TAFA5: variants seen among roughly 807,000 people sequenced by gnomAD.
TAFA5 encodes the protein chemokine-like protein TAFA-5.
In TAFA5, 6 loss-of-function variants were observed where a neutral mutation model predicts 15.3. That is an observed-to-expected ratio of 0.39 (90% CI 0.21 to 0.77). The LOEUF is 0.77. TAFA5 is among the 30% of genes least tolerant of loss of function. The pLI, the probability that TAFA5 is intolerant of heterozygous loss-of-function variation, is 0.41. For synonymous variants in TAFA5, 103 were observed against 80.7 expected (o/e 1.28, Z -1.48); for missense variants, 161 against 193.1 (o/e 0.83, Z 0.98).
At chr22:48,582,645 T>C (rs111166609) in intron 1 of TAFA5, among the ~76,000 whole-genome samples, 90 of 77,006 alleles carry the variant, frequency 1.2e-3, no homozygotes, top group Middle Eastern at 0.011. Flanking sequence ...ACACAAAATA[T>C]ACCACACACA....
chr22:48,694,057 G>A (rs1928625701), intron 2 of TAFA5, among the ~76,000 whole-genome samples: 1 of 152,216 alleles, frequency 6.6e-6, no homozygotes, highest in Non-Finnish European at 1.5e-5. Context: ...GCCACGCGGA[G>A]GCTGACTGCA....
chr22:48,735,049 T>C (rs1164769674), intron 3 of TAFA5, among the ~76,000 whole-genome samples: 1 of 152,254 alleles, frequency 6.6e-6, no homozygotes, highest in Non-Finnish European at 1.5e-5. Flanking sequence ...CGCCTGACCC[T>C]GTGCACCTAG....
At chr22:48,631,955 A>G (rs1926245506) in intron 1 of TAFA5, among the ~76,000 whole-genome samples, 1 of 152,184 alleles carries the variant, frequency 6.6e-6, no homozygotes, top group Non-Finnish European at 1.5e-5. Context: ...CCTCCCAGGC[A>G]GTACGGGTGG....
chr22:48,655,484 G>A (rs930611637), intron 2 of TAFA5, among the ~76,000 whole-genome samples: 5 of 152,166 alleles, frequency 3.3e-5, no homozygotes, highest in Admixed American at 2.6e-4. Flanking sequence ...GAGGCAGAAC[G>A]CTCCATCCTC....
chr22:48,642,005 G>A (rs1234468492), intron 1 of TAFA5, among the ~76,000 whole-genome samples: 5 of 152,138 alleles, frequency 3.3e-5, no homozygotes, highest in Admixed American at 1.3e-4. Context: ...GCACGCTGAG[G>A]GGGGCAGCCT....
At chr22:48,599,866 G>C (rs1316291969) in intron 1 of TAFA5, among the ~76,000 whole-genome samples, 1 of 152,224 alleles carries the variant, frequency 6.6e-6, no homozygotes, top group Non-Finnish European at 1.5e-5. Context: ...GGCCACAGAT[G>C]CCTCCAGGCT....
rs984639662 is a variant in TAFA5, at chr22:48,646,819, C to T, written c.262+73C>T. The stretch of plus-strand genomic sequence containing the variant: ...CACCAAAGGTGCCTCTTCCCTGACG[C>T]GGCCCCTTACCTGAAGGTCCCCCTA... On this transcript the variant is annotated intron_variant, in intron 2 of 3. Transcript: ENST00000402357. 1.3e-5 allele frequency: 20 copies of T among 1,487,054 alleles called. No individual in the cohort carries two copies. The Admixed American group carries it at 3.5e-4, about 26-fold the overall frequency. The allele number at this position is 1,487,054 out of a possible 1,614,324, so 92.1% of individuals were successfully genotyped here.
rs1926036953 is a variant in TAFA5 at position 48,626,724 on chromosome 22, G to T, written c.113-19873G>T. Among the ~76,000 whole-genome samples, 4 of 152,172 alleles carry T rather than the reference G, an allele frequency of 2.6e-5. No homozygotes were observed. The South Asian group carries it at 8.3e-4, about 31-fold the overall frequency. ...ATTTATCAAATGGTTTTCTTTCATA[G>T]AGTATGCATTTGATGCTTATCTAAA... On this transcript the variant is annotated intron_variant, in intron 1 of 3. Transcript: ENST00000402357.
At chr22:48,683,948 A>G (rs548149721) in intron 2 of TAFA5, among the ~76,000 whole-genome samples, 12 of 152,230 alleles carry the variant, frequency 7.9e-5, no homozygotes, top group Admixed American at 3.3e-4. Context: ...GCCTTCTGCC[A>G]TGATTGTAAG....
chr22:48,604,059 G>C (rs900584987), intron 1 of TAFA5, among the ~76,000 whole-genome samples: 2 of 152,214 alleles, frequency 1.3e-5, no homozygotes, highest in Non-Finnish European at 2.9e-5. Flanking sequence ...GACTGTGTGT[G>C]TCTCATTCAC....
chr22:48,691,868 T>TTGGC (rs1213509677), intron 2 of TAFA5, among the ~76,000 whole-genome samples: 1 of 152,156 alleles, frequency 6.6e-6, no homozygotes, highest in African/African-American at 2.4e-5. Context: ...GGTGTGCTTG[T>TTGGC]TGGCTCCCAA....
At chr22:48,730,070 C>T (rs192230734) in intron 3 of TAFA5, among the ~76,000 whole-genome samples, 3 of 152,232 alleles carry the variant, frequency 2.0e-5, no homozygotes, top group Admixed American at 6.5e-5. Flanking sequence ...TAACAGCACA[C>T]TGAATTCTGA....
chr22:48,565,769 T>G (rs1477071583), intron 1 of TAFA5, among the ~76,000 whole-genome samples: 1 of 152,244 alleles, frequency 6.6e-6, no homozygotes, highest in Non-Finnish European at 1.5e-5. Context: ...AGAATTGCCT[T>G]GGAGCAGTGG....
chr22:48,651,161 G>C (rs1452864590), intron 2 of TAFA5, among the ~76,000 whole-genome samples: 1 of 152,232 alleles, frequency 6.6e-6, no homozygotes, highest in Admixed American at 6.5e-5. Context: ...GCCCAGTAGC[G>C]GGGGCAGCAG....
intron 3 of TAFA5, among the ~76,000 whole-genome samples, chr22:48,736,007 T>A: frequency 2.4e-5 from 1 of 42,390 alleles, no homozygotes; most frequent in Admixed American, 3.7e-4. Flanking sequence ...CCAGAGTCCA[T>A]CCCCCCAGGA....
At chr22:48,632,870 C>T (rs75572715) in intron 1 of TAFA5, among the ~76,000 whole-genome samples, 156 of 152,278 alleles carry the variant, frequency 1.0e-3, no homozygotes, top group African/African-American at 3.7e-3. Flanking sequence ...ACTGCTTGGC[C>T]TGCAGAGTTG....
chr22:48,546,895 A>C, intron 1 of TAFA5: 1 of 237,540 alleles, frequency 4.2e-6, no homozygotes, highest in East Asian at 1.1e-4. Flanking sequence ...GACTGTCTTG[A>C]CTCCGTTCAG....
At position 48,489,713 on chromosome 22, in the gene TAFA5, C is replaced by A; in HGVS notation, c.112+9C>A. 2 of 1,439,264 alleles carry A rather than the reference C, an allele frequency of 1.4e-6. No individual in the cohort carries two copies. Among genetic ancestry groups the A allele is most frequent in the Non-Finnish European group, 1.8e-6 (2 of 1,085,114 alleles). 89.2% of individuals were successfully genotyped at this position (1,439,264 alleles called of 1,614,324 possible). ...GCTCATCGCCTACTGCAGTGAGTAC[C>A]GCGCGGCCCCGGCCCCGGCACGGCC... On this transcript the variant is annotated intron_variant, in intron 1 of 3. Transcript: ENST00000402357. This position sits in a 1 kb window ranked among gnomAD's most constrained non-coding sequence, Gnocchi z 5.5.
chr22:48,715,138 C>A (rs571177962), intron 3 of TAFA5, among the ~76,000 whole-genome samples: 1 of 152,180 alleles, frequency 6.6e-6, no homozygotes, highest in Non-Finnish European at 1.5e-5. Flanking sequence ...ACTTTGGGGG[C>A]CCCCCATTCC....
Sources: allele counts gnomAD v4.1 joint callset (sites outside exome capture counted in the v4.1 genomes callset), GRCh38; gene constraint gnomAD v4.1.1; non-coding constraint Gnocchi (gnomAD v3.1); transcripts MANE v1.5; gene names NCBI Gene and HGNC (gene_info 2026-07-23, HGNC 2026-07-21).